Variants in PSD3 observed in about 807,000 individuals in gnomAD.
The protein encoded by PSD3 is PH and SEC7 domain-containing protein 3.
Under a neutral mutation model 105.5 loss-of-function variants are expected in PSD3, and 49 were observed. The ratio of observed to expected loss-of-function variants is 0.46; its 90% CI spans 0.37 to 0.59. The LOEUF (loss-of-function observed/expected upper bound fraction) is 0.59. Ranked by LOEUF, PSD3 falls within the 20% of genes least tolerant of loss-of-function variation. PSD3 has a pLI of 0.00. For missense variants in PSD3, 1,561 were observed against 1,263.8 expected (o/e 1.24, Z -3.57); for synonymous variants, 557 against 457.8 (o/e 1.22, Z -2.77).
chr8:18,795,867 CTTG>C (rs1810130872), intron 8 of PSD3, among the ~76,000 whole-genome samples: 1 of 152,124 alleles, frequency 6.6e-6, no homozygotes, highest in African/African-American at 2.4e-5. Context: ...CAACTCTTAC[CTTG>C]TTGATAGTTG....
chr8:18,934,486 C>T (rs1821970079), intron 2 of PSD3, among the ~76,000 whole-genome samples: 1 of 152,114 alleles, frequency 6.6e-6, no homozygotes, highest in Admixed American at 6.6e-5. Flanking sequence ...TCTCGGCTCA[C>T]TGCAAGCTCT....
At chr8:18,663,438 A>G (rs1170129596) in intron 9 of PSD3, among the ~76,000 whole-genome samples, 1 of 149,732 alleles carries the variant, frequency 6.7e-6, no homozygotes, top group African/African-American at 2.5e-5. Flanking sequence ...AAAACCAAAA[A>G]GCAAAAAAAA....
chr8:18,973,542 C>A (rs1163356746), intron 1 of PSD3, among the ~76,000 whole-genome samples: 1 of 152,160 alleles, frequency 6.6e-6, no homozygotes, highest in African/African-American at 2.4e-5. Context: ...AGGGGCCCAT[C>A]CTTATGACCC....
intron 9 of PSD3, among the ~76,000 whole-genome samples, chr8:18,724,536 C>G (rs1443231887): frequency 6.6e-6 from 1 of 151,866 alleles, no homozygotes; most frequent in African/African-American, 2.4e-5. Flanking sequence ...TCACTTGAGC[C>G]CAGAGTCTGA....
At chr8:18,841,467 A>AACACACACACACACAC (rs35771611) in intron 4 of PSD3, among the ~76,000 whole-genome samples, 107 of 148,240 alleles carry the variant, frequency 7.2e-4, no homozygotes, top group African/African-American at 1.9e-3. Context: ...CTGCTATTTA[A>AACACACACACACACAC]ACACACACAC....
chr8:18,880,560 G>C (rs1182704330), intron 2 of PSD3, among the ~76,000 whole-genome samples: 1 of 152,158 alleles, frequency 6.6e-6, no homozygotes, highest in Non-Finnish European at 1.5e-5. Context: ...AAAGATGCAA[G>C]GGGTGCTGCA....
In PSD3 at chr8:18,977,259, C is replaced by CAAAAAAAA. The variant is rs36071554; in HGVS notation, c.21+36296_21+36303dup. 7.1e-5 allele frequency among the ~76,000 whole-genome samples: 8 copies of CAAAAAAAA among 113,160 alleles called. 1 individual carries two copies. Among genetic ancestry groups the CAAAAAAAA allele is most frequent in the Non-Finnish European group, 1.2e-4 (7 of 57,838 alleles). The allele number at this position is 113,160 out of a possible 152,430, so 74.2% of individuals were successfully genotyped here. On this transcript the variant is annotated intron_variant, in intron 1 of 15. Transcript: ENST00000327040. ...TGGGCAACAGAACAACACCCTATCT[C>CAAAAAAAA]AAAAAAAAAAAAAAAAAAAAATTGG...
chr8:18,759,055 A>G (rs549916661), intron 9 of PSD3, among the ~76,000 whole-genome samples: 63 of 143,936 alleles, frequency 4.4e-4, no homozygotes, highest in South Asian at 1.5e-3. Context: ...ACTGATTTAC[A>G]TCCTTTCAAT....
At chr8:18,718,692 G>A (rs1162939882) in intron 9 of PSD3, among the ~76,000 whole-genome samples, 7 of 152,102 alleles carry the variant, frequency 4.6e-5, no homozygotes, top group East Asian at 1.9e-4. Context: ...GAAGAAAACC[G>A]CTAAAAACCT....
At chr8:18,963,088 C>A (rs947903430) in intron 1 of PSD3, among the ~76,000 whole-genome samples, 4 of 152,186 alleles carry the variant, frequency 2.6e-5, no homozygotes, top group Non-Finnish European at 5.9e-5. Flanking sequence ...TCTTACATGG[C>A]AGCGGCAAGA....
At chr8:18,695,869 G>C (rs1052705998) in intron 9 of PSD3, among the ~76,000 whole-genome samples, 5 of 152,154 alleles carry the variant, frequency 3.3e-5, no homozygotes, top group African/African-American at 1.2e-4. Flanking sequence ...AAGTCAAATG[G>C]ATAAATTAAC....
chr8:18,610,635 C>A (rs183938506), intron 11 of PSD3, among the ~76,000 whole-genome samples: 32 of 152,212 alleles, frequency 2.1e-4, no homozygotes, highest in Non-Finnish European at 1.5e-4. Context: ...TATTGCTTTT[C>A]CCAGAAAATT....
At chr8:18,550,987 T>C (rs1800734859) in intron 15 of PSD3, among the ~76,000 whole-genome samples, 1 of 152,162 alleles carries the variant, frequency 6.6e-6, no homozygotes, top group African/African-American at 2.4e-5. Flanking sequence ...ATTTCTCCCT[T>C]GCTTTCGCTA....
Position 19,062,241 on chromosome 8 carries a change from C to T in PSD3, c.324+21965G>A, listed in dbSNP as rs575681302. Among the ~76,000 whole-genome samples the T allele has an allele frequency of 3.3e-5, 5 of 152,296 alleles. No homozygotes were observed. The East Asian group carries it at 5.8e-4, about 18-fold the overall frequency. On this transcript the variant is annotated intron_variant, in intron 1 of 1. Transcript: ENST00000521475. ...TAGAGGGATGTTTGAATAGCAGAAG[C>T]GGCGGGGTCTCAGTTAATTTATGGA... is the stretch of plus-strand genomic sequence containing the variant.
intron 4 of PSD3, among the ~76,000 whole-genome samples, chr8:18,840,094 T>C (rs915256229): frequency 6.6e-6 from 1 of 152,178 alleles, no homozygotes; most frequent in African/African-American, 2.4e-5. Context: ...GCTGATCCTG[T>C]TGTTCTCTAG....
At position 18,670,069 on chromosome 8, in the gene PSD3, A is replaced by G. The variant is rs533085903; in HGVS notation, c.2173-14384T>C. On this transcript the variant is annotated intron_variant, in intron 9 of 15. Coordinates refer to ENST00000327040, the MANE Select transcript of PSD3 (RefSeq NM_015310.4). ...CTGTCACTTTCTGGTAGGCTACCAG[A>G]TAATTATTATAAGGTGATTCAAATA... Among the ~76,000 whole-genome samples the G allele has an allele frequency of 7.9e-5, 12 of 152,334 alleles. No homozygotes were observed. In the East Asian group the frequency reaches 1.7e-3, roughly 22 times the overall value.
At chr8:18,599,864 C>G (rs1445904532) in intron 12 of PSD3, among the ~76,000 whole-genome samples, 1 of 152,110 alleles carries the variant, frequency 6.6e-6, no homozygotes, top group Non-Finnish European at 1.5e-5. Flanking sequence ...ACTATGTTTT[C>G]TCCTATACAT....
intron 1 of PSD3, among the ~76,000 whole-genome samples, chr8:18,995,327 C>CA: frequency 6.6e-6 from 1 of 152,134 alleles, no homozygotes; most frequent in African/African-American, 2.4e-5. Context: ...AATTACTAAA[C>CA]AAAACTCCCA....
chr8:18,724,634 A>G (rs371658691), intron 9 of PSD3, among the ~76,000 whole-genome samples: 1 of 152,042 alleles, frequency 6.6e-6, no homozygotes, highest in East Asian at 1.9e-4. Context: ...ATAAAAATAA[A>G]AATAAAAATA....
Sources: allele counts gnomAD v4.1 joint callset (sites outside exome capture counted in the v4.1 genomes callset), GRCh38; gene constraint gnomAD v4.1.1; transcripts MANE v1.5; gene names NCBI Gene and HGNC (gene_info 2026-07-23, HGNC 2026-07-21).